The following OR9Q1 variants were observed in gnomAD, a reference collection of about 807,000 sequenced individuals.
OR9Q1 encodes the protein olfactory receptor 9Q1.
For synonymous variants in OR9Q1, 153 were observed against 148.6 expected, an observed-to-expected ratio of 1.03 and a Z score of -0.22; for missense variants, 374 against 378.8, an observed-to-expected ratio of 0.99 and a Z score of 0.11.
At chr11:58,168,704 A>G (rs913423384) in intron 2 of OR9Q1, among the ~76,000 whole-genome samples, 18 of 151,832 alleles carry the variant, frequency 1.2e-4, no homozygotes, top group Admixed American at 1.1e-3. Context: ...AATTTGTCTT[A>G]TATGTTATTA....
At position 58,104,868 on chromosome 11, in the gene OR9Q1, A is replaced by G. The variant is rs541201022; in HGVS notation, c.-15+48921A>G. On this transcript the variant is annotated intron_variant, in intron 2 of 2. Coordinates refer to ENST00000335397, the MANE Select transcript of OR9Q1 (RefSeq NM_001005212.4). ...GGGTGCCTGAATGGCTACATGAAGC[A>G]GATCCCCCTGTCAATTTGCCTGAGT... Among the ~76,000 whole-genome samples, 21 of 152,314 alleles carry G rather than the reference A, an allele frequency of 1.4e-4. No individual in the cohort carries two copies. The East Asian group carries it at 2.9e-3, about 21-fold the overall frequency.
chr11:58,081,591 T>A (rs959245562), intron 2 of OR9Q1, among the ~76,000 whole-genome samples: 4 of 152,224 alleles, frequency 2.6e-5, no homozygotes, highest in African/African-American at 9.6e-5. Flanking sequence ...TGTTTTCATA[T>A]GTTTGTTGGC....
intron 1 of OR9Q1, among the ~76,000 whole-genome samples, chr11:58,034,726 G>GTTTC (rs1853078967): frequency 4.2e-5 from 2 of 47,382 alleles, no homozygotes; most frequent in African/African-American, 1.3e-4. Context: ...CTGTCTTAAG[G>GTTTC]TTTCTTTCTT....
intron 2 of OR9Q1, among the ~76,000 whole-genome samples, chr11:58,175,105 C>CAA (rs57623932): frequency 0.025 from 1,695 of 66,910 alleles, 89 homozygotes; most frequent in East Asian, 0.032. Context: ...GACTCTGTCT[C>CAA]AAAAAAAAAA....
At chr11:58,106,038 C>T (rs1162826259) in intron 2 of OR9Q1, among the ~76,000 whole-genome samples, 2 of 152,038 alleles carry the variant, frequency 1.3e-5, no homozygotes, top group Non-Finnish European at 2.9e-5. Flanking sequence ...TGAGGAAACT[C>T]TCTACTGTTT....
chr11:58,054,511 A>G (rs1853307980), intron 1 of OR9Q1, among the ~76,000 whole-genome samples: 1 of 152,200 alleles, frequency 6.6e-6, no homozygotes, highest in African/African-American at 2.4e-5. Flanking sequence ...CAATATAAAC[A>G]TCTTGAGGCA....
At chr11:58,031,603 C>T in intron 1 of OR9Q1, 1 of 1,613,838 alleles carries the variant, frequency 6.2e-7, no homozygotes, top group Non-Finnish European at 8.5e-7. Context: ...CCTCTATGGT[C>T]ATTGCTGTGT....
intron 2 of OR9Q1, among the ~76,000 whole-genome samples, chr11:58,074,368 A>G (rs1483261491): frequency 6.6e-6 from 1 of 152,090 alleles, no homozygotes; most frequent in Admixed American, 6.5e-5. Flanking sequence ...AGTGATGATG[A>G]GCTTGTTTTC....
At chr11:58,075,775 G>T (rs1467284646) in intron 2 of OR9Q1, among the ~76,000 whole-genome samples, 1 of 152,190 alleles carries the variant, frequency 6.6e-6, no homozygotes, top group Middle Eastern at 3.2e-3. Context: ...GCCTAAAGAG[G>T]CTAAGACAAG....
intron 1 of OR9Q1, among the ~76,000 whole-genome samples, chr11:58,048,443 G>A (rs1417989131): frequency 6.6e-6 from 1 of 150,584 alleles, no homozygotes; most frequent in African/African-American, 2.4e-5. Flanking sequence ...CCGAGATCAG[G>A]AGTTTGAGAC....
At chr11:58,028,020 C>A (rs1340112845) in intron 1 of OR9Q1, among the ~76,000 whole-genome samples, 3 of 151,826 alleles carry the variant, frequency 2.0e-5, no homozygotes, top group Non-Finnish European at 4.4e-5. Flanking sequence ...CTGTACCAGG[C>A]CCTGAGATAG....
intron 2 of OR9Q1, among the ~76,000 whole-genome samples, chr11:58,110,041 G>T (rs1674252227): frequency 6.6e-6 from 1 of 151,802 alleles, no homozygotes; most frequent in African/African-American, 2.4e-5. Context: ...CCTCTATGTG[G>T]CTTCTTAGGC....
intron 1 of OR9Q1, among the ~76,000 whole-genome samples, chr11:58,034,192 T>C (rs1853072299): frequency 4.6e-5 from 7 of 150,594 alleles, no homozygotes; most frequent in Admixed American, 4.6e-4. Context: ...TTCATGCCAT[T>C]CTCCTGCTTC....
chr11:58,151,575 G>A (rs1422007784), intron 2 of OR9Q1, among the ~76,000 whole-genome samples: 19 of 152,132 alleles, frequency 1.2e-4, no homozygotes, highest in Admixed American at 1.2e-3. Flanking sequence ...CTCCTCTGTT[G>A]AAAGCTTGTG....
At chr11:58,069,851 C>A (rs1853468991) in intron 2 of OR9Q1, among the ~76,000 whole-genome samples, 1 of 151,620 alleles carries the variant, frequency 6.6e-6, no homozygotes, top group African/African-American at 2.4e-5. Flanking sequence ...GCCTGTGTGA[C>A]AGAGTGAGAC....
chr11:58,053,612 A>AAAATATATATATAAAATAT (rs1565062041), intron 1 of OR9Q1, among the ~76,000 whole-genome samples: 1 of 94,778 alleles, frequency 1.1e-5, no homozygotes, highest in African/African-American at 4.9e-5. Flanking sequence ...AAAATTAAAA[A>AAAATATATATATAAAATAT]ATATATATAT....
rs150367326 is a variant in OR9Q1 at position 58,109,340 on chromosome 11, C to T, written c.-15+53393C>T. 6.2e-3 allele frequency: 2,855 copies of T among 460,196 alleles called. 27 individuals carry two copies. The highest frequency in any genetic ancestry group is 0.018 in the Middle Eastern group (55 of 3,082). 28.5% of individuals were successfully genotyped at this position (460,196 alleles called of 1,614,324 possible). A position where few individuals can be genotyped will look rare whatever the true frequency, so the allele number is the denominator to read the frequency against. ...GACAGCAGGTAACACTCTGTGCCTG[C>T]ACATATGGTGAAGAAAGAGAACTGC... is the stretch of plus-strand genomic sequence containing the variant. On this transcript the variant is annotated intron_variant, in intron 2 of 2. Coordinates refer to ENST00000335397, the MANE Select transcript of OR9Q1 (RefSeq NM_001005212.4).
chr11:58,166,563 G>A (rs1448364856), intron 2 of OR9Q1, among the ~76,000 whole-genome samples: 1 of 152,124 alleles, frequency 6.6e-6, no homozygotes, highest in Admixed American at 6.5e-5. Context: ...AACAAACAAT[G>A]TTGCAATAGA....
intron 2 of OR9Q1, among the ~76,000 whole-genome samples, chr11:58,128,875 CAT>C (rs1462383030): frequency 6.6e-6 from 1 of 152,048 alleles, no homozygotes; most frequent in Non-Finnish European, 1.5e-5. Flanking sequence ...CAAAACATCA[CAT>C]AAAAAAGGCA....
Sources: allele counts gnomAD v4.1 joint callset (sites outside exome capture counted in the v4.1 genomes callset), GRCh38; gene constraint gnomAD v4.1.1; transcripts MANE v1.5; gene names NCBI Gene and HGNC (gene_info 2026-07-23, HGNC 2026-07-21).